Variants in NELL1 observed in about 807,000 individuals in gnomAD.
The protein encoded by NELL1 is protein kinase C-binding protein NELL1.
In NELL1, 76 loss-of-function variants were observed where a neutral mutation model predicts 107.4. The ratio of observed to expected loss-of-function variants is 0.71; its 90% CI spans 0.59 to 0.86. NELL1 has a LOEUF of 0.86. Among genes scored for constraint, NELL1 ranks in the 40% least tolerant of loss-of-function variants. The pLI is 0.00. For missense variants in NELL1, 1,024 were observed against 1,005.5 expected (o/e 1.02, Z -0.25); for synonymous variants, 353 against 341.2 (o/e 1.03, Z -0.38).
intron 12 of NELL1, among the ~76,000 whole-genome samples, chr11:20,997,240 A>G (rs1852111203): frequency 6.6e-6 from 1 of 152,224 alleles, no homozygotes; most frequent in South Asian, 2.1e-4. Context: ...TGGATTTAAG[A>G]GTTTAAGTTT....
Position 21,120,519 on chromosome 11 carries a change from G to A in NELL1, c.1426+6805G>A, listed in dbSNP as rs1048239778. ...TCTTTCAGGCCCATACCATGTACTT[G>A]TGTCAGAATGCTTGTCCTTGTTTAC... On this transcript the variant is annotated intron_variant, in intron 13 of 19. Transcript: ENST00000357134. Among the ~76,000 whole-genome samples the A allele has an allele frequency of 2.0e-5, 3 of 152,194 alleles. No individual in the cohort carries two copies. In the South Asian group the frequency reaches 6.2e-4, roughly 32 times the overall value.
At chr11:21,086,997 C>G (rs936016751) in intron 12 of NELL1, among the ~76,000 whole-genome samples, 12 of 151,922 alleles carry the variant, frequency 7.9e-5, no homozygotes, top group Admixed American at 7.2e-4. Flanking sequence ...TGTCACCACG[C>G]CTGGCTAATT....
intron 13 of NELL1, among the ~76,000 whole-genome samples, chr11:21,227,149 T>C (rs1857915059): frequency 2.0e-5 from 3 of 152,160 alleles, no homozygotes. Flanking sequence ...TTATTTAAAA[T>C]ATTACCTTTT....
At chr11:21,361,759 A>C (rs1851080982) in intron 14 of NELL1, among the ~76,000 whole-genome samples, 1 of 152,064 alleles carries the variant, frequency 6.6e-6, no homozygotes, top group Non-Finnish European at 1.5e-5. Flanking sequence ...TCCTTCTTCT[A>C]CTTGTTCTAG....
At chr11:21,163,335 C>T in intron 13 of NELL1, among the ~76,000 whole-genome samples, 1 of 152,088 alleles carries the variant, frequency 6.6e-6, no homozygotes, top group East Asian at 1.9e-4. Context: ...ATGGGTGGAG[C>T]ATGGCGGGAA....
intron 2 of NELL1, among the ~76,000 whole-genome samples, chr11:20,774,518 A>G (rs902902081): frequency 4.3e-5 from 6 of 138,068 alleles, no homozygotes; most frequent in African/African-American, 1.2e-4. Context: ...GGCATATGCT[A>G]CCATGCCTGG....
chr11:20,815,535 T>C (rs1857605987), intron 3 of NELL1, among the ~76,000 whole-genome samples: 1 of 152,212 alleles, frequency 6.6e-6, no homozygotes, highest in Admixed American at 6.5e-5. Context: ...TTTAAGTCCC[T>C]TGTAGATTGT....
chr11:21,328,657 C>A (rs1048542581), intron 14 of NELL1, among the ~76,000 whole-genome samples: 21 of 152,098 alleles, frequency 1.4e-4, no homozygotes, highest in Non-Finnish European at 4.4e-5. Flanking sequence ...CACTCAACAC[C>A]AGCTCATGAA....
At chr11:20,828,672 C>G (rs969931511) in intron 3 of NELL1, among the ~76,000 whole-genome samples, 3 of 152,190 alleles carry the variant, frequency 2.0e-5, no homozygotes, top group Non-Finnish European at 4.4e-5. Flanking sequence ...TCCACCCAGT[C>G]TCACGTAGGA....
chr11:21,404,003 G>GA (rs1336258920), intron 15 of NELL1, among the ~76,000 whole-genome samples: 11 of 44,392 alleles, frequency 2.5e-4, no homozygotes, highest in Non-Finnish European at 3.2e-4. Context: ...TGTCATTCCT[G>GA]AACCCCCCCC....
intron 15 of NELL1, among the ~76,000 whole-genome samples, chr11:21,404,428 A>G (rs890091635): frequency 2.6e-5 from 4 of 151,892 alleles, no homozygotes; most frequent in Admixed American, 1.3e-4. Context: ...AAAGCAATTA[A>G]AGTAAGACTG....
intron 12 of NELL1, among the ~76,000 whole-genome samples, chr11:20,966,098 G>A (rs1051722539): frequency 3.9e-5 from 6 of 152,154 alleles, no homozygotes; most frequent in Non-Finnish European, 8.8e-5. Context: ...AGACAGCAAA[G>A]CATTGCTTTA....
chr11:20,955,046 A>G (rs11025832), intron 11 of NELL1, among the ~76,000 whole-genome samples: 8,185 of 152,278 alleles, frequency 0.054, 693 homozygotes, highest in East Asian at 0.27. Context: ...AAATGTGACC[A>G]TTTAATCTAA....
rs1176973383 is a variant in NELL1 at position 21,573,205 on chromosome 11, G to A, written c.2178G>A (p.Trp726Ter). ...TACAGGAAGGAGAGGTAGATTGCTGGCCACTCACTTGCCCCAACTTGAGCT... is the reference window on the plus strand; with the variant it reads ...TACAGGAAGGAGAGGTAGATTGCTGACCACTCACTTGCCCCAACTTGAGCT... ...CRCLEGEVDC[W>*]PLTCPNLSCE... The change falls in exon 19 of 20, where the codon TGG becomes TGA. Residue 726 changes from tryptophan (W) to a stop codon, truncating the protein, a stop_gained. Coordinates refer to ENST00000357134, the MANE Select transcript of NELL1 (RefSeq NM_006157.5). LOFTEE classifies it high-confidence loss of function. 6.2e-7 allele frequency: 1 copy of A among 1,611,818 alleles called. No individual in the cohort carries two copies. The highest frequency in any genetic ancestry group is 1.7e-5 in the Admixed American group (1 of 59,814).
chr11:21,270,984 A>G (rs1848727959), intron 14 of NELL1, among the ~76,000 whole-genome samples: 1 of 152,138 alleles, frequency 6.6e-6, no homozygotes, highest in African/African-American at 2.4e-5. Flanking sequence ...TAAAAATAAG[A>G]TAAAATTTTT....
At chr11:21,466,405 C>G (rs912250984) in intron 15 of NELL1, among the ~76,000 whole-genome samples, 1 of 152,094 alleles carries the variant, frequency 6.6e-6, no homozygotes, top group African/African-American at 2.4e-5. Context: ...AGCCAGCAGT[C>G]TGTCACTCCA....
chr11:20,808,168 T>C (rs998593229), intron 3 of NELL1, among the ~76,000 whole-genome samples: 3 of 152,196 alleles, frequency 2.0e-5, no homozygotes, highest in Non-Finnish European at 2.9e-5. Flanking sequence ...GAAGCCAGCA[T>C]GTCTCAGAGT....
intron 14 of NELL1, among the ~76,000 whole-genome samples, chr11:21,267,605 A>T (rs573193053): frequency 4.6e-5 from 7 of 151,856 alleles, no homozygotes; most frequent in African/African-American, 1.7e-4. Flanking sequence ...TTACAGTCTG[A>T]GTATGTTCCT....
At chr11:21,317,083 A>G (rs1484790849) in intron 14 of NELL1, among the ~76,000 whole-genome samples, 2 of 152,124 alleles carry the variant, frequency 1.3e-5, no homozygotes, top group African/African-American at 2.4e-5. Flanking sequence ...TAGAATTGAT[A>G]ATAAGAATCA....
Sources: allele counts gnomAD v4.1 joint callset (sites outside exome capture counted in the v4.1 genomes callset), GRCh38; gene constraint gnomAD v4.1.1; transcripts MANE v1.5; gene names NCBI Gene and HGNC (gene_info 2026-07-23, HGNC 2026-07-21).